BICC1: variants seen among roughly 807,000 people sequenced by gnomAD.
BICC1 encodes the protein BicC family RNA binding protein 1.
BICC1 carries 43 observed loss-of-function variants against 111.0 expected under a neutral mutation model. The ratio of observed to expected loss-of-function variants is 0.39; its 90% CI spans 0.30 to 0.50. The LOEUF is 0.50. BICC1 is among the 20% of genes least tolerant of loss of function. BICC1 has a pLI of 0.88. For synonymous variants in BICC1, 467 were observed against 434.4 expected (o/e 1.07, Z -0.93); for missense variants, 1,091 against 1,203.2 (o/e 0.91, Z 1.38).
At chr10:58,538,493 T>G (rs1269251322) in intron 1 of BICC1, among the ~76,000 whole-genome samples, 2 of 151,908 alleles carry the variant, frequency 1.3e-5, no homozygotes, top group Non-Finnish European at 2.9e-5. Flanking sequence ...GACTTAAATC[T>G]AAGACCTGAA....
intron 1 of BICC1, among the ~76,000 whole-genome samples, chr10:58,557,543 T>C: frequency 6.6e-6 from 1 of 152,090 alleles, no homozygotes; most frequent in East Asian, 1.9e-4. Flanking sequence ...TATTCAATTT[T>C]TTCCAGTATT....
At chr10:58,713,051 A>C (rs1283077529) in intron 3 of BICC1, among the ~76,000 whole-genome samples, 1 of 152,248 alleles carries the variant, frequency 6.6e-6, no homozygotes, top group African/African-American at 2.4e-5. Context: ...TAACTCCTTA[A>C]TGTATAAATT....
chr10:58,717,162 G>A (rs1840771638), intron 3 of BICC1, among the ~76,000 whole-genome samples: 1 of 152,116 alleles, frequency 6.6e-6, no homozygotes, highest in Non-Finnish European at 1.5e-5. Context: ...ATTCTAAAAT[G>A]CATGTTTTAT....
intron 18 of BICC1, 40 bp downstream of exon 18, chr10:58,814,026 G>C: frequency 6.2e-7 from 1 of 1,608,516 alleles, no homozygotes; most frequent in Non-Finnish European, 8.5e-7. Flanking sequence ...GGTATCCCCA[G>C]ATTAGAATGT....
chr10:58,635,169 G>C (rs1588954519), intron 2 of BICC1, among the ~76,000 whole-genome samples: 1 of 152,174 alleles, frequency 6.6e-6, no homozygotes, highest in East Asian at 1.9e-4. Flanking sequence ...TGAGATACTA[G>C]TTCTGCACTA....
chr10:58,818,798 G>C (rs1483485578), intron 19 of BICC1, among the ~76,000 whole-genome samples: 1 of 151,774 alleles, frequency 6.6e-6, no homozygotes, highest in Admixed American at 6.6e-5. Flanking sequence ...TCCTTATTTT[G>C]TCTTGCTGGT....
chr10:58,662,070 A>G (rs1452995289), intron 2 of BICC1, among the ~76,000 whole-genome samples: 2 of 152,162 alleles, frequency 1.3e-5, no homozygotes, highest in Admixed American at 6.5e-5. Context: ...TTTGAGAGGC[A>G]CATATGGGCG....
At chr10:58,640,759 G>T (rs1004225962) in intron 2 of BICC1, among the ~76,000 whole-genome samples, 5 of 152,180 alleles carry the variant, frequency 3.3e-5, no homozygotes, top group African/African-American at 1.2e-4. Context: ...AAAGTATAGA[G>T]AAATGAGTAG....
chr10:58,627,752 G>C (rs570112284), intron 2 of BICC1, among the ~76,000 whole-genome samples: 2 of 152,054 alleles, frequency 1.3e-5, no homozygotes, highest in African/African-American at 4.8e-5. Flanking sequence ...ATATCTTAGC[G>C]GGGGCATAGG....
rs1465043976 is a variant in BICC1, at chr10:58,632,818, C to CCAGAAAA, written c.237+11922_237+11928dup. ...GGAGACTGTTTTTTTCTCATATAGC[C>CCAGAAAA]CAGAAAACAGATTAAAGGTTTTACA... is the stretch of plus-strand genomic sequence containing the variant. On this transcript the variant is annotated intron_variant, in intron 2 of 20. Transcript: ENST00000373886. Among the ~76,000 whole-genome samples, 32 of 151,250 alleles carry CCAGAAAA rather than the reference C, an allele frequency of 2.1e-4. No homozygotes were observed. In the East Asian group the frequency reaches 6.1e-3, roughly 29 times the overall value.
intron 3 of BICC1, among the ~76,000 whole-genome samples, chr10:58,707,449 T>G (rs1343588372): frequency 6.6e-6 from 1 of 152,028 alleles, no homozygotes; most frequent in Non-Finnish European, 1.5e-5. Flanking sequence ...AGGTGTTAGG[T>G]TAGTGCGTCG....
chr10:58,612,981 C>T (rs1227533524), intron 1 of BICC1, among the ~76,000 whole-genome samples: 1 of 152,136 alleles, frequency 6.6e-6, no homozygotes, highest in Non-Finnish European at 1.5e-5. Context: ...TAATAGTTTA[C>T]ACCTGTTTCA....
chr10:58,708,886 G>T (rs1412678564), intron 3 of BICC1, among the ~76,000 whole-genome samples: 1 of 152,118 alleles, frequency 6.6e-6, no homozygotes, highest in Non-Finnish European at 1.5e-5. Flanking sequence ...TTTACTGGCT[G>T]CTCTTTGTTA....
In BICC1 at chr10:58,800,240, A is replaced by G. The variant is rs1213359355; in HGVS notation, c.1772A>G (p.Glu591Gly). ...YGAISTSSLG[E>G]KVLSANHGDP... is the part of the protein sequence containing the mutation. ...GCAATATCCACTTCATCACTTGGAG[A>G]AAAAGTGCTGAGTGCAAATCACGGG... Residue 591 changes from glutamate (E) to glycine (G), a missense_variant, in exon 13 of 21, where the codon GAA becomes GGA. Transcript: ENST00000373886. 6.2e-7 allele frequency: 1 copy of G among 1,610,616 alleles called. No individual in the cohort carries two copies. The highest frequency in any genetic ancestry group is 1.7e-5 in the Admixed American group (1 of 59,944).
At chr10:58,524,696 C>A (rs556964745) in intron 1 of BICC1, among the ~76,000 whole-genome samples, 47 of 151,712 alleles carry the variant, frequency 3.1e-4, no homozygotes, top group African/African-American at 1.1e-3. Flanking sequence ...GCAACAAAAG[C>A]CAAAATTGAC....
chr10:58,828,620 TAA>T, intron 20 of BICC1, 139 bp from the exon 21 acceptor site: 2 of 771,592 alleles, frequency 2.6e-6, no homozygotes, highest in Non-Finnish European at 2.0e-6. Flanking sequence ...GACCATCAAC[TAA>T]AAGTTTTCCT....
At chr10:58,798,339 C>T in intron 10 of BICC1, 60 bp from the exon 11 acceptor site, 3 of 1,281,978 alleles carry the variant, frequency 2.3e-6, no homozygotes, top group South Asian at 3.4e-5. Flanking sequence ...ATATTGGTGC[C>T]ATCTCTATTT....
At chr10:58,631,306 T>C (rs1402585142) in intron 2 of BICC1, among the ~76,000 whole-genome samples, 1 of 152,196 alleles carries the variant, frequency 6.6e-6, no homozygotes, top group African/African-American at 2.4e-5. Flanking sequence ...TGAATAGATG[T>C]ATTAAATATC....
chr10:58,616,947 G>A (rs920984670), intron 1 of BICC1, among the ~76,000 whole-genome samples: 15 of 152,160 alleles, frequency 9.9e-5, no homozygotes, highest in Admixed American at 4.6e-4. Flanking sequence ...GTGCGGCTGA[G>A]ACCACCTTCC....
Sources: gnomAD v4.1 joint callset for allele counts (sites outside exome capture counted in the v4.1 genomes callset) on GRCh38, gnomAD v4.1.1 for gene constraint, MANE v1.5 for transcripts, NCBI Gene and HGNC (gene_info 2026-07-23, HGNC 2026-07-21) for gene names.